The following ZFP64 variants were observed in gnomAD, a reference collection of about 807,000 sequenced individuals.
The protein encoded by ZFP64 is zinc finger protein 64.
ZFP64 carries 14 observed loss-of-function variants against 51.6 expected under a neutral mutation model. That is an observed-to-expected ratio of 0.27 (90% CI 0.18 to 0.42). The LOEUF (loss-of-function observed/expected upper bound fraction) is 0.42, where lower values mean the gene tolerates loss of function less well. Ranked by LOEUF, ZFP64 falls within the 10% of genes least tolerant of loss-of-function variation. The pLI is 1.00. For missense variants in ZFP64, 754 were observed against 906.8 expected (o/e 0.83, Z 2.16); for synonymous variants, 375 against 361.4 (o/e 1.04, Z -0.43).
intron 2 of ZFP64, among the ~76,000 whole-genome samples, chr20:52,181,157 TG>T (rs1478341366): frequency 2.6e-5 from 4 of 152,174 alleles, no homozygotes; most frequent in Non-Finnish European, 5.9e-5. Context: ...TTGGCCAGGC[TG>T]GTCTCGAACT....
intron 1 of ZFP64, among the ~76,000 whole-genome samples, chr20:52,188,472 G>A (rs1026447380): frequency 2.7e-5 from 4 of 150,368 alleles, no homozygotes; most frequent in Non-Finnish European, 4.4e-5. Flanking sequence ...CCGCCACTAC[G>A]CTCGACTAAT....
In ZFP64 at chr20:52,097,413, A is replaced by G. The variant is rs1348561955; in HGVS notation, c.936T>C (p.His312=). 1.7e-5 allele frequency: 27 copies of G among 1,612,024 alleles called. No individual in the cohort carries two copies. In the Middle Eastern group the frequency reaches 6.6e-4, roughly 39 times the overall value. ...GATGGCGGTCCAAGTCTTTCATGCC[A>G]TGGACAGTTTTGAAGTGGCAACCTA... The change falls in exon 7 of 9, where the codon CAT becomes CAC. Residue 312 remains histidine (H), a synonymous_variant. Transcript: ENST00000361387.
chr20:52,175,397 C>T (rs1232204104), intron 2 of ZFP64, among the ~76,000 whole-genome samples: 1 of 151,988 alleles, frequency 6.6e-6, no homozygotes, highest in African/African-American at 2.4e-5. Context: ...TGCTGGGAGT[C>T]CAGGCAAGCG....
rs182184816 is a variant in ZFP64, at chr20:52,161,302, C to G, written c.512-928G>C. 5.7e-3 allele frequency among the ~76,000 whole-genome samples: 864 copies of G among 152,238 alleles called. 6 individuals carry two copies. Among genetic ancestry groups the G allele is most frequent in the African/African-American group, 0.019 (777 of 41,534 alleles). On this transcript the variant is annotated intron_variant, in intron 4 of 5. Transcript: ENST00000216923. ...TTTTTGATGTATATTTTTCCAATCT[C>G]TGTGTGTGTATGTTTTTGGTACATA...
chr20:52,190,163 G>A (rs1004405938), intron 1 of ZFP64, among the ~76,000 whole-genome samples: 2 of 152,176 alleles, frequency 1.3e-5, no homozygotes, highest in African/African-American at 4.8e-5. Flanking sequence ...TCAATGGATG[G>A]AAGGAAGGAA....
At chr20:52,135,933 G>T (rs1979949209) in intron 5 of ZFP64, among the ~76,000 whole-genome samples, 1 of 151,124 alleles carries the variant, frequency 6.6e-6, no homozygotes, top group African/African-American at 2.4e-5. Context: ...ACCCTGCCTT[G>T]ACTAAAAATA....
chr20:52,149,652 G>C (rs563492401), downstream of ZFP64, among the ~76,000 whole-genome samples: 1 of 152,272 alleles, frequency 6.6e-6, no homozygotes, highest in South Asian at 2.1e-4. Flanking sequence ...GTACAATTCT[G>C]TGTATAATTT....
intron 5 of ZFP64, among the ~76,000 whole-genome samples, chr20:52,154,702 A>G (rs1205523146): frequency 2.0e-5 from 3 of 152,242 alleles, no homozygotes; most frequent in Non-Finnish European, 4.4e-5. Context: ...AAGATCATGC[A>G]TACTAAACTC....
intron 5 of ZFP64, among the ~76,000 whole-genome samples, chr20:52,106,251 G>T (rs906870001): frequency 1.3e-5 from 2 of 152,200 alleles, no homozygotes; most frequent in African/African-American, 2.4e-5. Flanking sequence ...ACCCGAGGGA[G>T]ACCCCTCCTT....
chr20:52,146,268 A>G (rs1004542111), intron 5 of ZFP64, among the ~76,000 whole-genome samples: 1 of 152,178 alleles, frequency 6.6e-6, no homozygotes. Flanking sequence ...TGCTATAAAG[A>G]CACATGCACA....
chr20:52,084,781 C>A, exon 9 of ZFP64: 1 of 1,614,186 alleles, frequency 6.2e-7, no homozygotes, highest in Non-Finnish European at 8.5e-7. Context: ...ACGATCTTGG[C>A]CACGTGCTGG....
At position 52,085,383 on chromosome 20, in the gene ZFP64, C is replaced by A; in HGVS notation, c.1229-117G>T. On this transcript the variant is annotated intron_variant, in intron 8 of 8. Transcript: ENST00000361387. The surrounding 1 kb of genome is among the most constrained non-coding windows in gnomAD (Gnocchi z 4.3). ...TGGTTGGGTTTTGTGAACTCTAAAC[C>A]CAACCTCCTAATGACAACACTTGTT... 9.3e-7 allele frequency: 1 copy of A among 1,078,428 alleles called. No individual in the cohort carries two copies. The highest frequency in any genetic ancestry group is 1.3e-6 in the Non-Finnish European group (1 of 762,582). The allele number at this position is 1,078,428 out of a possible 1,614,324, so 66.8% of individuals were successfully genotyped here. A position where few individuals can be genotyped will look rare whatever the true frequency, so the allele number is the denominator to read the frequency against.
intron 7 of ZFP64, chr20:52,088,688 A>T: frequency 9.9e-6 from 16 of 1,611,340 alleles, no homozygotes; most frequent in African/African-American, 2.7e-5. Flanking sequence ...TTTGGTCAAG[A>T]TGGCTACAAA....
chr20:52,105,178 C>G, intron 5 of ZFP64: 1 of 1,437,904 alleles, frequency 7.0e-7, no homozygotes, highest in East Asian at 2.8e-5. Flanking sequence ...ACTCCCGGCG[C>G]GCAGGCCGCG....
At chr20:52,151,049 T>A (rs1049874952), downstream of ZFP64, among the ~76,000 whole-genome samples, 2 of 152,200 alleles carry the variant, frequency 1.3e-5, no homozygotes, top group African/African-American at 4.8e-5. Flanking sequence ...TAAACAGAAA[T>A]GCCAGGATTG....
rs914058906 is a variant in ZFP64 at position 52,085,386 on chromosome 20, A to G, written c.1229-120T>C. ...TTGGGTTTTGTGAACTCTAAACCCAACCTCCTAATGACAACACTTGTTGTG... is the reference window on the plus strand; with the variant it reads ...TTGGGTTTTGTGAACTCTAAACCCAGCCTCCTAATGACAACACTTGTTGTG... On this transcript the variant is annotated intron_variant, in intron 8 of 8. Transcript: ENST00000361387. The surrounding 1 kb of genome is among the most constrained non-coding windows in gnomAD (Gnocchi z 4.3). 3.9e-6 allele frequency: 4 copies of G among 1,025,744 alleles called. No homozygotes were observed. The highest frequency in any genetic ancestry group is 5.5e-6 in the Non-Finnish European group (4 of 725,446). The allele number at this position is 1,025,744 out of a possible 1,614,324, so 63.5% of individuals were successfully genotyped here.
At chr20:52,176,659 G>C (rs1024997204) in intron 2 of ZFP64, among the ~76,000 whole-genome samples, 1 of 151,668 alleles carries the variant, frequency 6.6e-6, no homozygotes, top group Non-Finnish European at 1.5e-5. Context: ...ACAGGCGCCC[G>C]CCACCGCGCC....
chr20:52,092,308 A>G (rs951913273), intron 7 of ZFP64, among the ~76,000 whole-genome samples: 1 of 152,228 alleles, frequency 6.6e-6, no homozygotes, highest in Admixed American at 6.5e-5. Flanking sequence ...CACCCACCAG[A>G]TGCCAGTAGA....
intron 5 of ZFP64, among the ~76,000 whole-genome samples, chr20:52,116,154 G>GAAAATA (rs1978858521): frequency 8.8e-6 from 1 of 113,696 alleles, no homozygotes; most frequent in Non-Finnish European, 1.9e-5. Context: ...TTTTTTTTTT[G>GAAAATA]AGATGGAGTC....
Sources: allele counts gnomAD v4.1 joint callset (sites outside exome capture counted in the v4.1 genomes callset), GRCh38; gene constraint gnomAD v4.1.1; non-coding constraint Gnocchi (gnomAD v3.1); transcripts MANE v1.5; gene names NCBI Gene and HGNC (gene_info 2026-07-23, HGNC 2026-07-21).